Variants in TRAK1 observed in about 807,000 individuals in gnomAD.
TRAK1 encodes the protein trafficking kinesin-binding protein 1.
In TRAK1, 33 loss-of-function variants were observed where a neutral mutation model predicts 92.1. That is an observed-to-expected ratio of 0.36 (90% CI 0.27 to 0.48). The LOEUF (loss-of-function observed/expected upper bound fraction) is 0.48, where lower values mean the gene tolerates loss of function less well. Among genes scored for constraint, TRAK1 ranks in the 20% least tolerant of loss-of-function variants. The pLI, the probability that TRAK1 is intolerant of heterozygous loss-of-function variation, is 0.99. For missense variants in TRAK1, 1,123 were observed against 1,257.9 expected (o/e 0.89, Z 1.62); for synonymous variants, 521 against 517.3 (o/e 1.01, Z -0.10).
At chr3:42,036,661 G>T (rs183167590) in intron 1 of TRAK1, among the ~76,000 whole-genome samples, 6 of 152,342 alleles carry the variant, frequency 3.9e-5, no homozygotes, top group African/African-American at 1.4e-4. Flanking sequence ...GAAAATTAGC[G>T]TGTTTCTAGT....
At chr3:42,024,217 G>GA (rs1242289725) in intron 1 of TRAK1, among the ~76,000 whole-genome samples, 1 of 152,230 alleles carries the variant, frequency 6.6e-6, no homozygotes, top group East Asian at 1.9e-4. Context: ...GAGATTGGGA[G>GA]AAGACCAGAA....
chr3:42,031,457 AC>A (rs1225620758), intron 1 of TRAK1, among the ~76,000 whole-genome samples: 1 of 151,224 alleles, frequency 6.6e-6, no homozygotes, highest in African/African-American at 2.4e-5. Context: ...ACATAGCGAG[AC>A]CCCCATCTCC....
intron 3 of TRAK1, among the ~76,000 whole-genome samples, chr3:42,178,569 C>G (rs1244048054): frequency 6.6e-6 from 1 of 152,144 alleles, no homozygotes; most frequent in Non-Finnish European, 1.5e-5. Context: ...GGAGTCACCC[C>G]ATAGTCCTGT....
At chr3:42,032,537 T>C (rs1702186541) in intron 1 of TRAK1, among the ~76,000 whole-genome samples, 1 of 151,780 alleles carries the variant, frequency 6.6e-6, no homozygotes, top group African/African-American at 2.4e-5. Flanking sequence ...GCTTTTCCTC[T>C]ATGTCTTATT....
upstream of TRAK1, among the ~76,000 whole-genome samples, chr3:42,084,508 G>A (rs141766998): frequency 7.2e-5 from 11 of 152,376 alleles, no homozygotes; most frequent in African/African-American, 1.7e-4. Context: ...TAGTCAGCAA[G>A]TCAGTCTCCA....
chr3:42,224,626 A>G lies in TRAK1; in HGVS notation c.*889A>G, dbSNP rs1327083734. 6.6e-6 allele frequency: 1 copy of G among 152,314 alleles called. No homozygotes were observed. Among genetic ancestry groups the G allele is most frequent in the African/African-American group, 2.4e-5 (1 of 41,462 alleles). 9.4% of individuals were successfully genotyped at this position (152,314 alleles called of 1,614,324 possible). Reference sequence around the variant, plus strand: ...CAGCTTTTTTCTGGGACCCAGAGTCACAACCAAATTGATTTAAGACCGGAC... The same window carrying G: ...CAGCTTTTTTCTGGGACCCAGAGTCGCAACCAAATTGATTTAAGACCGGAC... On this transcript the variant is annotated 3_prime_UTR_variant, in exon 16 of 16. Transcript: ENST00000327628.
intron 1 of TRAK1, among the ~76,000 whole-genome samples, chr3:42,035,568 C>G (rs75724733): frequency 2.0e-5 from 3 of 152,220 alleles, no homozygotes; most frequent in Admixed American, 1.3e-4. Flanking sequence ...GGAACCAGTA[C>G]GTTTTCCTGA....
At chr3:42,094,413 A>G (rs964989661) in intron 1 of TRAK1, among the ~76,000 whole-genome samples, 3 of 152,156 alleles carry the variant, frequency 2.0e-5, no homozygotes, top group Non-Finnish European at 2.9e-5. Context: ...ACTCTGTCAC[A>G]TAGGCTGGAG....
rs116431058 is a variant in TRAK1, at chr3:42,179,741, G to A, written c.363+2851G>A. Among the ~76,000 whole-genome samples, 997 of 152,198 alleles carry A rather than the reference G, an allele frequency of 6.6e-3. 6 individuals are homozygous for A. Among genetic ancestry groups the A allele is most frequent in the African/African-American group, 0.021 (874 of 41,516 alleles). On this transcript the variant is annotated intron_variant, in intron 3 of 15. Coordinates refer to ENST00000327628, the MANE Select transcript of TRAK1 (RefSeq NM_001042646.3). ...AAAGCATAGTGAGGAGAGGGAGCAG[G>A]CAGTTAGAATGAGCTCTACCTTGCC...
chr3:42,101,072 A>G (rs1706685491), intron 1 of TRAK1, among the ~76,000 whole-genome samples: 2 of 152,340 alleles, frequency 1.3e-5, no homozygotes, highest in South Asian at 4.1e-4. Context: ...TTTCTTGCTC[A>G]CAGACATGGG....
chr3:42,210,932 C>T (rs914011428), intron 14 of TRAK1: 3 of 985,434 alleles, frequency 3.0e-6, no homozygotes, highest in Non-Finnish European at 3.6e-6. Context: ...AAGCTTTGTG[C>T]TCAGAGCTCT....
At chr3:42,138,291 G>A (rs536086578) in intron 2 of TRAK1, among the ~76,000 whole-genome samples, 33 of 152,176 alleles carry the variant, frequency 2.2e-4, no homozygotes, top group African/African-American at 6.7e-4. Context: ...ATTACAAATC[G>A]TCGAAAATAA....
chr3:42,156,925 G>A (rs181703060), intron 2 of TRAK1, among the ~76,000 whole-genome samples: 3 of 152,258 alleles, frequency 2.0e-5, no homozygotes, highest in Non-Finnish European at 2.9e-5. Flanking sequence ...AGGCCGAGGC[G>A]AGTGGATCAG....
intron 1 of TRAK1, among the ~76,000 whole-genome samples, chr3:42,117,342 G>A (rs1231905927): frequency 6.8e-6 from 1 of 147,632 alleles, no homozygotes; most frequent in Non-Finnish European, 1.5e-5. Flanking sequence ...CTCCTGGCCG[G>A]CACCCAGGGC....
intron 1 of TRAK1, among the ~76,000 whole-genome samples, chr3:42,118,179 G>A (rs945443800): frequency 2.6e-5 from 4 of 152,012 alleles, no homozygotes; most frequent in African/African-American, 9.7e-5. Flanking sequence ...CACCTCCCGG[G>A]TTCAAGCAGT....
chr3:42,097,290 C>T (rs1402183974), intron 1 of TRAK1, among the ~76,000 whole-genome samples: 1 of 152,204 alleles, frequency 6.6e-6, no homozygotes, highest in Non-Finnish European at 1.5e-5. Flanking sequence ...AGCCATGTTC[C>T]CACATATTTA....
At chr3:42,083,418 TG>T (rs990783563), upstream of TRAK1, among the ~76,000 whole-genome samples, 3 of 152,246 alleles carry the variant, frequency 2.0e-5, no homozygotes, top group Non-Finnish European at 2.9e-5. Context: ...GAGTTCTTTA[TG>T]GTGACCTGTG....
intron 14 of TRAK1, chr3:42,218,238 G>C (rs1315415323): frequency 2.0e-6 from 2 of 985,284 alleles, no homozygotes; most frequent in African/African-American, 3.5e-5. Flanking sequence ...ATAGTCAACT[G>C]TGTGGACCTG....
intron 6 of TRAK1, among the ~76,000 whole-genome samples, chr3:42,190,776 C>G (rs1291884149): frequency 6.6e-6 from 1 of 151,854 alleles, no homozygotes; most frequent in African/African-American, 2.4e-5. Flanking sequence ...TTCTCTCCTC[C>G]CTCCCTCCCT....
Sources: allele counts gnomAD v4.1 joint callset (sites outside exome capture counted in the v4.1 genomes callset), GRCh38; gene constraint gnomAD v4.1.1; transcripts MANE v1.5; gene names NCBI Gene and HGNC (gene_info 2026-07-23, HGNC 2026-07-21).